CACNG1: variants seen among roughly 807,000 people sequenced by gnomAD.
CACNG1 encodes voltage-dependent calcium channel gamma-1 subunit.
CACNG1 carries 21 observed loss-of-function variants against 22.0 expected under a neutral mutation model. The ratio of observed to expected loss-of-function variants is 0.95; its 90% confidence interval spans 0.68 to 1.37. The LOEUF (loss-of-function observed/expected upper bound fraction) is 1.37. CACNG1 is among the 40% of genes most tolerant of loss of function. CACNG1 has a pLI of 0.00. For missense variants in CACNG1, 291 were observed against 308.6 expected (o/e 0.94, Z 0.43); for synonymous variants, 127 against 129.2 (o/e 0.98, Z 0.12).
Position 67,055,115 on chromosome 17 carries a change from C to T in CACNG1, c.317C>T (p.Ser106Leu), listed in dbSNP as rs921123953. 12 of 1,613,868 alleles carry T rather than the reference C, an allele frequency of 7.4e-6. No homozygotes were observed. The highest frequency in any genetic ancestry group is 1.6e-4 in the Middle Eastern group (1 of 6,084). The change falls in exon 3 of 4, where the codon TCG becomes TTG. Residue 106 changes from serine to leucine, a missense_variant. Ser to Leu is a moderately radical substitution (Grantham distance 145). Transcript: ENST00000226021. The surrounding 1 kb of genome is among the most constrained non-coding windows in gnomAD (Gnocchi z 4.5). ...EFTTQKEYSI[S>L]AAAIAIFSLG... ...CTTGTGTTTGCAGAGTACAGCATCT[C>T]GGCAGCCGCCATCGCCATCTTCAGC...
chr17:67,051,436 T>C (rs1341609068), intron 1 of CACNG1, among the ~76,000 whole-genome samples: 1 of 152,064 alleles, frequency 6.6e-6, no homozygotes, highest in East Asian at 1.9e-4. Context: ...CAGGAGTGGA[T>C]GTTTCTCTCA....
In CACNG1 at chr17:67,056,276, C is replaced by A. The variant is rs761082724; in HGVS notation, c.*5C>A. On this transcript the variant is annotated 3_prime_UTR_variant, in exon 4 of 4. Coordinates refer to ENST00000226021, the MANE Select transcript of CACNG1 (RefSeq NM_000727.4). This position sits in a 1 kb window ranked among gnomAD's most constrained non-coding sequence, Gnocchi z 4.3. Reference sequence around the variant, plus strand: ...GATGCTGAGCCCGAGCACTAACCCTCCTGCGGCCCTAGCGACCCTCAGGCT... The same window carrying A: ...GATGCTGAGCCCGAGCACTAACCCTACTGCGGCCCTAGCGACCCTCAGGCT... 12 of 1,612,876 alleles carry A rather than the reference C, an allele frequency of 7.4e-6. No homozygotes were observed. The African/African-American group carries it at 1.6e-4, about 22-fold the overall frequency.
At chr17:67,047,273 A>T (rs2035703069) in intron 1 of CACNG1, among the ~76,000 whole-genome samples, 1 of 152,272 alleles carries the variant, frequency 6.6e-6, no homozygotes, top group Non-Finnish European at 1.5e-5. Context: ...AGTAATGAGA[A>T]GGCTGGCAGA....
intron 1 of CACNG1, among the ~76,000 whole-genome samples, chr17:67,046,785 G>A (rs747316640): frequency 1.6e-4 from 24 of 152,212 alleles, no homozygotes; most frequent in African/African-American, 5.8e-4. Context: ...CAGAAGACTG[G>A]GCAGTGAGCA....
chr17:67,056,145 C>T lies in CACNG1; in HGVS notation c.543C>T (p.Ser181=). The T allele has an allele frequency of 6.2e-7, 1 of 1,613,956 alleles. No individual in the cohort carries two copies. The highest frequency in any genetic ancestry group is 1.3e-5 in the African/African-American group (1 of 75,022). The change falls in exon 4 of 4, where the codon TCC becomes TCT. Residue 181 remains serine (S), a synonymous_variant. Transcript: ENST00000226021. The surrounding 1 kb of genome is among the most constrained non-coding windows in gnomAD (Gnocchi z 4.3). ...TVWIEYYYSW[S]FACACAAFIL... ...GGATCGAGTACTATTACTCCTGGTC[C>T]TTTGCCTGCGCCTGTGCCGCCTTCA...
chr17:67,048,692 C>A (rs1004484434), intron 1 of CACNG1, among the ~76,000 whole-genome samples: 1 of 152,064 alleles, frequency 6.6e-6, no homozygotes, highest in Non-Finnish European at 1.5e-5. Flanking sequence ...GAAAATGATG[C>A]CTCATGAAAT....
chr17:67,052,130 T>A (rs1431487738), intron 1 of CACNG1, among the ~76,000 whole-genome samples: 1 of 152,174 alleles, frequency 6.6e-6, no homozygotes, highest in Non-Finnish European at 1.5e-5. Flanking sequence ...ATCTAACAAA[T>A]AGAAGAGATC....
intron 1 of CACNG1, among the ~76,000 whole-genome samples, chr17:67,045,178 C>T (rs1389513726): frequency 1.3e-5 from 2 of 152,330 alleles, no homozygotes; most frequent in South Asian, 2.1e-4. Context: ...TGCAGCTCTA[C>T]CAGCCCAGGG....
intron 1 of CACNG1, among the ~76,000 whole-genome samples, chr17:67,047,328 G>A (rs1472682741): frequency 6.6e-6 from 1 of 152,194 alleles, no homozygotes; most frequent in African/African-American, 2.4e-5. Flanking sequence ...ATTAACCAAA[G>A]TCTTGCAGCA....
In CACNG1 at chr17:67,056,034, T is replaced by G. The variant is rs528442512; in HGVS notation, c.443-11T>G. 4.4e-6 allele frequency: 7 copies of G among 1,605,202 alleles called. No individual in the cohort carries two copies. Among genetic ancestry groups the G allele is most frequent in the South Asian group, 1.1e-5 (1 of 90,996 alleles). On this transcript the variant is annotated splice_polypyrimidine_tract_variant and intron_variant, in intron 3 of 3. Coordinates refer to ENST00000226021, the MANE Select transcript of CACNG1 (RefSeq NM_000727.4). The surrounding 1 kb of genome is among the most constrained non-coding windows in gnomAD (Gnocchi z 4.3). Reference sequence around the variant, plus strand: ...CCCTCGGTCCCTGAGCATGCCTGGCTCTGCCCCCAGGTCTCTGCATCCTCG... The same window carrying G: ...CCCTCGGTCCCTGAGCATGCCTGGCGCTGCCCCCAGGTCTCTGCATCCTCG...
At chr17:67,045,445 C>T (rs1354917855) in intron 1 of CACNG1, among the ~76,000 whole-genome samples, 1 of 151,984 alleles carries the variant, frequency 6.6e-6, no homozygotes, top group Non-Finnish European at 1.5e-5. Flanking sequence ...GGCTCTGGGC[C>T]TGGAGCAGCT....
At chr17:67,050,810 G>C (rs1304818508) in intron 1 of CACNG1, among the ~76,000 whole-genome samples, 1 of 152,174 alleles carries the variant, frequency 6.6e-6, no homozygotes, top group Non-Finnish European at 1.5e-5. Flanking sequence ...CCCCAGTCAA[G>C]TCTGAGAGCT....
At chr17:67,045,999 C>T (rs906937888) in intron 1 of CACNG1, among the ~76,000 whole-genome samples, 4 of 152,208 alleles carry the variant, frequency 2.6e-5, no homozygotes, top group Non-Finnish European at 2.9e-5. Flanking sequence ...CTGGTAGTCG[C>T]GTGACTAGCC....
chr17:67,051,182 G>A (rs369713210), intron 1 of CACNG1, among the ~76,000 whole-genome samples: 6 of 152,226 alleles, frequency 3.9e-5, no homozygotes, highest in East Asian at 3.9e-4. Context: ...TCCTCTTTAC[G>A]TTGCCCTGGA....
At chr17:67,045,524 CTTT>C (rs71367200) in intron 1 of CACNG1, among the ~76,000 whole-genome samples, 6 of 109,684 alleles carry the variant, frequency 5.5e-5, no homozygotes, top group Middle Eastern at 4.8e-3. Flanking sequence ...CCCCCACCTT[CTTT>C]TTTTTTTTTT....
chr17:67,045,709 G>C (rs989976184), intron 1 of CACNG1, among the ~76,000 whole-genome samples: 4 of 151,952 alleles, frequency 2.6e-5, no homozygotes, highest in Admixed American at 6.6e-5. Flanking sequence ...TTTCAGTAGA[G>C]ACGGGGTTTC....
In CACNG1 at chr17:67,044,950, C is replaced by A; in HGVS notation, c.229+61C>A. ...CTGCTCTTCCCCGTCATCCCCCTGG[C>A]AAAGTTGCCCTTGCGAAGGAAGGCA... On this transcript the variant is annotated intron_variant, in intron 1 of 3. Coordinates refer to ENST00000226021, the MANE Select transcript of CACNG1 (RefSeq NM_000727.4). This position sits in a 1 kb window ranked among gnomAD's most constrained non-coding sequence, Gnocchi z 6.9. The A allele has an allele frequency of 1.4e-6, 2 of 1,412,298 alleles. No homozygotes were observed. Among genetic ancestry groups the A allele is most frequent in the Non-Finnish European group, 2.0e-6 (2 of 1,022,686 alleles). 87.5% of individuals were successfully genotyped at this position (1,412,298 alleles called of 1,614,324 possible).
rs1466856210 is a variant in CACNG1, at chr17:67,053,991, T to C, written c.230-5T>C. The C allele has an allele frequency of 1.9e-6, 3 of 1,612,868 alleles. No homozygotes were observed. Among genetic ancestry groups the C allele is most frequent in the African/African-American group, 1.3e-5 (1 of 75,028 alleles). On this transcript the variant is annotated splice_polypyrimidine_tract_variant and splice_region_variant and intron_variant, in intron 1 of 3. Coordinates refer to ENST00000226021, the MANE Select transcript of CACNG1 (RefSeq NM_000727.4). Reference sequence around the variant, plus strand: ...TCAACTCACAGTCTGTCTCCTCCTTTGCAGAGAAGAACTGTTCCTACTTCA... The same window carrying C: ...TCAACTCACAGTCTGTCTCCTCCTTCGCAGAGAAGAACTGTTCCTACTTCA...
chr17:67,047,591 G>C (rs2035704499), intron 1 of CACNG1, among the ~76,000 whole-genome samples: 1 of 152,186 alleles, frequency 6.6e-6, no homozygotes, highest in Admixed American at 6.5e-5. Context: ...TTGAGAAGCT[G>C]TTTCTGTTTG....
Sources: allele counts gnomAD v4.1 joint callset (sites outside exome capture counted in the v4.1 genomes callset), GRCh38; gene constraint gnomAD v4.1.1; non-coding constraint Gnocchi (gnomAD v3.1); transcripts MANE v1.5; gene names NCBI Gene and HGNC (gene_info 2026-07-23, HGNC 2026-07-21).